Variants in PAK5 observed in about 807,000 individuals in gnomAD.
The protein encoded by PAK5 is serine/threonine-protein kinase PAK 5.
In PAK5, 16 loss-of-function variants were observed where a neutral mutation model predicts 65.9. The observed-to-expected ratio is 0.24, with a 90% confidence interval of 0.16 to 0.37. The LOEUF (loss-of-function observed/expected upper bound fraction) is 0.37. Among genes scored for constraint, PAK5 ranks in the 10% least tolerant of loss-of-function variants. PAK5 has a pLI of 1.00. For missense variants in PAK5, 785 were observed against 903.9 expected (o/e 0.87, Z 1.69); for synonymous variants, 371 against 354.9 (o/e 1.05, Z -0.51).
At chr20:9,555,001 C>T (rs2045484760) in intron 7 of PAK5, among the ~76,000 whole-genome samples, 1 of 152,168 alleles carries the variant, frequency 6.6e-6, no homozygotes, top group Non-Finnish European at 1.5e-5. Context: ...ATTCTCCTTA[C>T]CATGCCTAAA....
At chr20:9,565,101 C>T (rs2045653292) in intron 5 of PAK5, among the ~76,000 whole-genome samples, 1 of 151,666 alleles carries the variant, frequency 6.6e-6, no homozygotes, top group African/African-American at 2.4e-5. Flanking sequence ...ATTAAATCTA[C>T]TTTACATTAA....
At chr20:9,623,715 T>C (rs2046803036) in intron 3 of PAK5, among the ~76,000 whole-genome samples, 1 of 152,222 alleles carries the variant, frequency 6.6e-6, no homozygotes, top group East Asian at 1.9e-4. Context: ...AAACTCTTAG[T>C]AATGCAAGAA....
intron 1 of PAK5, among the ~76,000 whole-genome samples, chr20:9,788,842 CA>C (rs1043329025): frequency 1.7e-4 from 26 of 152,170 alleles, no homozygotes; most frequent in African/African-American, 5.8e-4. Flanking sequence ...TATTTAAACC[CA>C]GGGGGGTAAA....
chr20:9,673,385 T>G (rs1283681872), intron 2 of PAK5, among the ~76,000 whole-genome samples: 4 of 152,234 alleles, frequency 2.6e-5, no homozygotes, highest in Non-Finnish European at 5.9e-5. Context: ...GCTGGACATG[T>G]GTCAGTATCT....
chr20:9,600,150 T>C (rs1389016606), intron 3 of PAK5, among the ~76,000 whole-genome samples: 1 of 152,198 alleles, frequency 6.6e-6, no homozygotes, highest in Non-Finnish European at 1.5e-5. Context: ...TGGAAAAGCA[T>C]CTGACCTCAT....
chr20:9,539,280 G>T lies in PAK5; in HGVS notation c.*182C>A. On this transcript the variant is annotated 3_prime_UTR_variant, in exon 10 of 10. Transcript: ENST00000353224. ...AGTGACCACACCGGCTGTCAGTGGA[G>T]AGATGCCTGTTTAAGACACAAGAAG... 1.7e-6 allele frequency: 1 copy of T among 601,610 alleles called. No homozygotes were observed. The allele number at this position is 601,610 out of a possible 1,614,324, so 37.3% of individuals were successfully genotyped here. A position where few individuals can be genotyped will look rare whatever the true frequency, so the allele number is the denominator to read the frequency against.
intron 1 of PAK5, among the ~76,000 whole-genome samples, chr20:9,777,457 A>G (rs1600362247): frequency 6.6e-6 from 1 of 152,224 alleles, no homozygotes; most frequent in Admixed American, 6.5e-5. Context: ...CAATGCCAGC[A>G]TGTAAGATGT....
At chr20:9,817,743 GT>G (rs377237336) in intron 1 of PAK5, among the ~76,000 whole-genome samples, 117 of 152,216 alleles carry the variant, frequency 7.7e-4, no homozygotes, top group Non-Finnish European at 1.4e-3. Flanking sequence ...TCTGGACAGG[GT>G]CTACAATCCA....
intron 2 of PAK5, among the ~76,000 whole-genome samples, chr20:9,699,700 T>C (rs1040270609): frequency 1.3e-5 from 2 of 152,078 alleles, no homozygotes; most frequent in Non-Finnish European, 2.9e-5. Flanking sequence ...ATCTCTGTGA[T>C]AGATAAGGAA....
At chr20:9,705,287 A>C (rs1470269856) in intron 2 of PAK5, among the ~76,000 whole-genome samples, 4 of 152,194 alleles carry the variant, frequency 2.6e-5, no homozygotes, top group African/African-American at 9.6e-5. Flanking sequence ...CATTTCACAG[A>C]ACAGAACACA....
intron 2 of PAK5, among the ~76,000 whole-genome samples, chr20:9,646,476 A>G (rs560886544): frequency 6.6e-6 from 1 of 152,332 alleles, no homozygotes; most frequent in African/African-American, 2.4e-5. Context: ...AACTTAAAAC[A>G]ATTCTGTAAG....
At chr20:9,693,800 C>G (rs932689335) in intron 2 of PAK5, among the ~76,000 whole-genome samples, 1 of 152,100 alleles carries the variant, frequency 6.6e-6, no homozygotes, top group Non-Finnish European at 1.5e-5. Context: ...CTCATAAACA[C>G]TTTTGAATAA....
chr20:9,714,765 G>A (rs2123497600), intron 1 of PAK5, among the ~76,000 whole-genome samples: 1 of 152,148 alleles, frequency 6.6e-6, no homozygotes, highest in African/African-American at 2.4e-5. Flanking sequence ...TCTGATCTTT[G>A]ACAAACCTTA....
At chr20:9,644,073 TA>T in intron 3 of PAK5, 51 bp downstream of exon 3, 1 of 1,403,242 alleles carries the variant, frequency 7.1e-7, no homozygotes, top group Non-Finnish European at 1.0e-6. Flanking sequence ...TGCAGTGCAT[TA>T]AATAAGAGCA....
intron 1 of PAK5, among the ~76,000 whole-genome samples, chr20:9,712,066 G>A (rs1271840405): frequency 2.0e-5 from 3 of 152,080 alleles, no homozygotes; most frequent in Admixed American, 2.0e-4. Flanking sequence ...TCTAACACAC[G>A]TGTTTTCTCC....
intron 1 of PAK5, among the ~76,000 whole-genome samples, chr20:9,825,356 T>A (rs761227): frequency 1.3e-5 from 2 of 152,020 alleles, no homozygotes; most frequent in East Asian, 3.9e-4. Flanking sequence ...TATTCTTAGT[T>A]GCCCTGGGTG....
intron 1 of PAK5, among the ~76,000 whole-genome samples, chr20:9,763,384 C>T (rs907771603): frequency 1.3e-5 from 2 of 152,004 alleles, no homozygotes; most frequent in African/African-American, 4.8e-5. Context: ...GTATACTTAT[C>T]CCCAAATTCA....
At chr20:9,599,947 C>T (rs548742485) in intron 3 of PAK5, among the ~76,000 whole-genome samples, 96 of 152,164 alleles carry the variant, frequency 6.3e-4, no homozygotes, top group South Asian at 4.8e-3. Context: ...ATGAAGCTTC[C>T]GCCATGTTTC....
intron 4 of PAK5, among the ~76,000 whole-genome samples, chr20:9,569,720 A>G (rs918788051): frequency 6.6e-6 from 1 of 152,024 alleles, no homozygotes; most frequent in African/African-American, 2.4e-5. Flanking sequence ...TCATGGAGCA[A>G]TAACTGCACA....
Sources: allele counts gnomAD v4.1 joint callset (sites outside exome capture counted in the v4.1 genomes callset), GRCh38; gene constraint gnomAD v4.1.1; transcripts MANE v1.5; gene names NCBI Gene and HGNC (gene_info 2026-07-23, HGNC 2026-07-21).